The following IGF2R variants were observed in gnomAD, a reference collection of about 807,000 sequenced individuals.
The protein encoded by IGF2R is cation-independent mannose-6-phosphate receptor.
Under a neutral mutation model 270.6 loss-of-function variants are expected in IGF2R, and 91 were observed. The ratio of observed to expected loss-of-function variants is 0.34; its 90% CI spans 0.28 to 0.40. IGF2R has a LOEUF of 0.40. Ranked by LOEUF, IGF2R falls within the 10% of genes least tolerant of loss-of-function variation. IGF2R has a pLI of 1.00. For synonymous variants in IGF2R, 1,316 were observed against 1,258.9 expected, an observed-to-expected ratio of 1.05 and a Z score of -0.96; for missense variants, 2,805 against 3,188.3, an observed-to-expected ratio of 0.88 and a Z score of 2.90.
rs1779713019 is a variant in IGF2R at position 160,110,154 on chromosome 6, T to A, written c.*5070T>A. ...AGGCCTCCAGGTAGGCAGCAATTCC[T>A]AGACATTTGCCTGTGTTCCCTGGGG... is the stretch of plus-strand genomic sequence containing the variant. On this transcript the variant is annotated 3_prime_UTR_variant, in exon 48 of 48. Coordinates refer to ENST00000356956, the MANE Select transcript of IGF2R (RefSeq NM_000876.4). The A allele has an allele frequency of 6.6e-6, 1 of 152,184 alleles. No individual in the cohort carries two copies. The allele number at this position is 152,184 out of a possible 1,614,324, so 9.4% of individuals were successfully genotyped here.
rs1779498291 is a variant in IGF2R at position 160,102,057 on chromosome 6, CT to C, written c.6843-461del. On this transcript the variant is annotated intron_variant, in intron 45 of 47. Transcript: ENST00000356956. The surrounding 1 kb of genome is among the most constrained non-coding windows in gnomAD (Gnocchi z 4.5). The stretch of plus-strand genomic sequence containing the variant: ...CGTCCTGGCCTGTTTCTAAGGCCCC[CT>C]GGGCCCCTTTCGTGTGGAGATGGTG... 6.6e-6 allele frequency among the ~76,000 whole-genome samples: 1 copy of C among 152,194 alleles called. No homozygotes were observed. The highest frequency in any genetic ancestry group is 2.1e-4 in the South Asian group (1 of 4,830).
At chr6:159,981,455 A>G (rs2115174098) in intron 1 of IGF2R, among the ~76,000 whole-genome samples, 1 of 152,270 alleles carries the variant, frequency 6.6e-6, no homozygotes, top group African/African-American at 2.4e-5. Context: ...TGCCAGTGTC[A>G]TGTGACACTC....
chr6:160,018,859 A>G (rs184094490), intron 4 of IGF2R, among the ~76,000 whole-genome samples: 42 of 152,288 alleles, frequency 2.8e-4, no homozygotes, highest in African/African-American at 9.1e-4. Flanking sequence ...GCCTACATCA[A>G]AAATAGAGAT....
intron 39 of IGF2R, among the ~76,000 whole-genome samples, chr6:160,083,306 C>A (rs1223717820): frequency 6.6e-6 from 1 of 152,234 alleles, no homozygotes; most frequent in African/African-American, 2.4e-5. Flanking sequence ...GGCAGCATTA[C>A]TGCAAACGTG....
chr6:160,015,971 G>A (rs1777281100), intron 4 of IGF2R, among the ~76,000 whole-genome samples: 1 of 152,150 alleles, frequency 6.6e-6, no homozygotes, highest in Admixed American at 6.5e-5. Context: ...GCTTTTTGAG[G>A]CCTCCCCAGA....
chr6:160,090,252 G>T, intron 44 of IGF2R, 149 bp downstream of exon 44: 1 of 538,756 alleles, frequency 1.9e-6, no homozygotes, highest in South Asian at 3.2e-5. Context: ...TGAATTTCTT[G>T]ACAGTGGATT....
At chr6:160,020,457 A>T (rs1386548151) in intron 4 of IGF2R, among the ~76,000 whole-genome samples, 2 of 152,198 alleles carry the variant, frequency 1.3e-5, no homozygotes, top group South Asian at 2.1e-4. Flanking sequence ...CCTAAAATTC[A>T]TGTGGTCCCC....
intron 3 of IGF2R, chr6:160,010,442 TG>T: frequency 2.6e-6 from 1 of 382,884 alleles, no homozygotes; most frequent in Non-Finnish European, 4.8e-6. Flanking sequence ...CTTGCACAGC[TG>T]GGGCGGTAGA....
At position 160,102,618 on chromosome 6, in the gene IGF2R, G is replaced by T; in HGVS notation, c.6942G>T (p.Leu2314=). ...QAVGAVLSLL[L]VALTCCLLAL... is the part of the protein sequence containing the mutation. The stretch of plus-strand genomic sequence containing the variant: ...TCGGCGCGGTGCTCAGCCTGCTGCT[G>T]GTGGCGCTCACCTGCTGCCTGCTGG... Residue 2314 remains leucine, a synonymous_variant, in exon 46 of 48, where the codon CTG becomes CTT. Transcript: ENST00000356956. The surrounding 1 kb of genome is among the most constrained non-coding windows in gnomAD (Gnocchi z 4.5). 5 of 1,613,410 alleles carry T rather than the reference G, an allele frequency of 3.1e-6. No individual in the cohort carries two copies. Among genetic ancestry groups the T allele is most frequent in the Non-Finnish European group, 4.2e-6 (5 of 1,179,610 alleles).
chr6:160,104,650 G>A (rs780068886), intron 47 of IGF2R, 24 bp from the exon 48 acceptor site: 5 of 1,598,740 alleles, frequency 3.1e-6, no homozygotes, highest in Non-Finnish European at 3.4e-6. Context: ...GGCTCACGTG[G>A]TCTCTGCTGT....
chr6:160,023,808 C>T (rs528659634), intron 4 of IGF2R, among the ~76,000 whole-genome samples: 9 of 152,260 alleles, frequency 5.9e-5, no homozygotes, highest in African/African-American at 9.6e-5. Context: ...TAACCATGCA[C>T]GAGGTCACCA....
chr6:160,039,182 C>T (rs1435189328), intron 10 of IGF2R, among the ~76,000 whole-genome samples: 2 of 152,210 alleles, frequency 1.3e-5, no homozygotes, highest in African/African-American at 4.8e-5. Flanking sequence ...TGCTGCACAC[C>T]TAAGCTATAT....
rs1008939997 is a variant in IGF2R at position 160,082,711 on chromosome 6, G to A, written c.5834-1239G>A. On this transcript the variant is annotated intron_variant, in intron 39 of 47. Transcript: ENST00000356956. ...GGGTTATTAAGAAGTACGATGAAAG[G>A]CTGTGTGCCAAGGAGCTGGGTCTAT... 2.3e-4 allele frequency among the ~76,000 whole-genome samples: 35 copies of A among 152,350 alleles called. No individual in the cohort carries two copies. The Middle Eastern group carries it at 0.017, about 74-fold the overall frequency.
intron 28 of IGF2R, 42 bp downstream of exon 28, chr6:160,064,573 C>T (rs199650445): frequency 4.6e-4 from 732 of 1,604,820 alleles, no homozygotes; most frequent in Non-Finnish European, 5.6e-4. Context: ...CTTCTCCCCA[C>T]CCTCAGGCTG....
intron 35 of IGF2R, among the ~76,000 whole-genome samples, chr6:160,074,296 T>A (rs1778811268): frequency 6.6e-6 from 1 of 152,258 alleles, no homozygotes; most frequent in African/African-American, 2.4e-5. Flanking sequence ...CACATTGCCC[T>A]AGCCTGGTTT....
intron 1 of IGF2R, among the ~76,000 whole-genome samples, chr6:159,969,979 GTCT>G (rs1221768480): frequency 3.3e-5 from 5 of 151,876 alleles, no homozygotes; most frequent in African/African-American, 1.2e-4. Flanking sequence ...GGTGACTTTT[GTCT>G]TCTTTAGATT....
At chr6:160,034,819 G>T (rs1460416379) in intron 10 of IGF2R, among the ~76,000 whole-genome samples, 1 of 152,166 alleles carries the variant, frequency 6.6e-6, no homozygotes, top group African/African-American at 2.4e-5. Context: ...TTGAATTTTG[G>T]TGCACACTAA....
intron 1 of IGF2R, among the ~76,000 whole-genome samples, chr6:159,980,240 G>GAAAGAAAGA (rs1562330732): frequency 9.4e-6 from 1 of 106,768 alleles, no homozygotes; most frequent in African/African-American, 3.3e-5. Flanking sequence ...AGAAAGAAAG[G>GAAAGAAAGA]TACATGGAAG....
chr6:160,048,504 A>G lies in IGF2R; in HGVS notation c.2475A>G (p.Arg825=), dbSNP rs373212360. The G allele has an allele frequency of 9.1e-5, 147 of 1,614,026 alleles. No homozygotes were observed. The highest frequency in any genetic ancestry group is 1.2e-4 in the Non-Finnish European group (140 of 1,180,024). ...RPLNPVPGCN[R]YASACQMKYE... The stretch of plus-strand genomic sequence containing the variant: ...TGAATCCAGTGCCGGGCTGCAACCG[A>G]TATGCATCGGCTTGCCAGATGAAGT... Residue 825 remains arginine (R), a synonymous_variant, in exon 18 of 48, where the codon CGA becomes CGG. Transcript: ENST00000356956.
Sources: gnomAD v4.1 joint callset for allele counts (sites outside exome capture counted in the v4.1 genomes callset) on GRCh38, gnomAD v4.1.1 for gene constraint, Gnocchi (gnomAD v3.1) non-coding constraint, MANE v1.5 for transcripts, NCBI Gene and HGNC (gene_info 2026-07-23, HGNC 2026-07-21) for gene names.